EPS8L1: variants seen among roughly 807,000 people sequenced by gnomAD.
EPS8L1 encodes EPS8 signaling adaptor L1, also known as epidermal growth factor receptor kinase substrate 8-like protein 1.
Under a neutral mutation model 91.7 loss-of-function variants are expected in EPS8L1, and 101 were observed. The observed-to-expected ratio is 1.10, with a 90% CI of 0.94 to 1.30. The LOEUF is 1.30. EPS8L1 is among the 50% of genes most tolerant of loss of function. EPS8L1 has a pLI of 0.00. For synonymous variants in EPS8L1, 506 were observed against 445.3 expected (o/e 1.14, Z -1.72); for missense variants, 1,114 against 1,017.0 (o/e 1.10, Z -1.30).
At position 55,079,800 on chromosome 19, in the gene EPS8L1, G is replaced by A. The variant is rs1401006894; in HGVS notation, c.228G>A (p.Met76Ile). 1.9e-6 allele frequency: 3 copies of A among 1,614,084 alleles called. No individual in the cohort carries two copies. The highest frequency in any genetic ancestry group is 2.5e-6 in the Non-Finnish European group (3 of 1,180,008). ...DSQGRVWAQE[M>I]LLRVSPDHVT... ...AGGGCCGAGTCTGGGCACAGGAGAT[G>A]CTGCTGCGAGTGTCTCCCGACCATG... The change falls in exon 5 of 20, where the codon ATG (methionine) becomes ATA (isoleucine). Residue 76 changes from methionine (M) to isoleucine (I), a missense_variant. Transcript: ENST00000201647.
intron 18 of EPS8L1, 174 bp from the exon 19 acceptor site, chr19:55,087,128 GC>G (rs1568798585): frequency 5.3e-6 from 6 of 1,137,696 alleles, no homozygotes; most frequent in Non-Finnish European, 7.2e-6. Flanking sequence ...ATGCGGCCAC[GC>G]CCCCCGGGTG....
Position 55,087,335 on chromosome 19 carries a change from C to A in EPS8L1, c.1985C>A (p.Ala662Glu). ...TVDALGVLTG[A>E]QLFSLQKEEL... ...GACGCGCTGGGTGTGCTGACCGGGG[C>A]GCAGCTTTTCTCGCTGCAGAAGGAG... The change falls in exon 19 of 20, where the codon GCG (alanine) becomes GAG (glutamate). Residue 662 changes from alanine (A) to glutamate (E), a missense_variant. Ala to Glu is a moderately radical substitution (Grantham distance 107). Transcript: ENST00000201647. The A allele has an allele frequency of 6.2e-7, 1 of 1,611,738 alleles. No individual in the cohort carries two copies. Among genetic ancestry groups the A allele is most frequent in the Non-Finnish European group, 8.5e-7 (1 of 1,179,588 alleles).
rs1602951634 is a variant in EPS8L1, at chr19:55,083,941, G to T, written c.1385+297G>T. 3.3e-6 allele frequency: 2 copies of T among 601,686 alleles called. No homozygotes were observed. The highest frequency in any genetic ancestry group is 5.6e-5 in the East Asian group (2 of 36,020). The allele number at this position is 601,686 out of a possible 1,614,324, so 37.3% of individuals were successfully genotyped here. A position where few individuals can be genotyped will look rare whatever the true frequency, so the allele number is the denominator to read the frequency against. On this transcript the variant is annotated intron_variant, in intron 14 of 19. Transcript: ENST00000201647. This position sits in a 1 kb window ranked among gnomAD's most constrained non-coding sequence, Gnocchi z 4.7. ...TAAAGTCTGAGAGGTTGGATCCCTG[G>T]ATCCCCAAAAGGCTGGAAGAAGCCA...
At chr19:55,082,903 C>T (rs1269547886) in intron 12 of EPS8L1, among the ~76,000 whole-genome samples, 1 of 151,056 alleles carries the variant, frequency 6.6e-6, no homozygotes, top group Non-Finnish European at 1.5e-5. Flanking sequence ...CGCGAAGGGG[C>T]GGGGCTTCTG....
At chr19:55,077,557 C>G (rs1439950859) in intron 2 of EPS8L1, among the ~76,000 whole-genome samples, 1 of 151,132 alleles carries the variant, frequency 6.6e-6, no homozygotes, top group Non-Finnish European at 1.5e-5. Flanking sequence ...CCCCTACCAC[C>G]CAGCACCACC....
chr19:55,081,907 G>GC lies in EPS8L1; in HGVS notation c.901+9dup, dbSNP rs1413494093. ...GGCGCCGGGCGGCTGGGGGTAAGGG[G>GC]CACCCTGGCGTGGGATCTGAACCCC... is the stretch of plus-strand genomic sequence containing the variant. On this transcript the variant is annotated intron_variant, in intron 9 of 19. Coordinates refer to ENST00000201647, the MANE Select transcript of EPS8L1 (RefSeq NM_133180.3). The surrounding 1 kb of genome is among the most constrained non-coding windows in gnomAD (Gnocchi z 4.9). 6.2e-7 allele frequency: 1 copy of GC among 1,604,874 alleles called. No homozygotes were observed. Among genetic ancestry groups the GC allele is most frequent in the Non-Finnish European group, 8.5e-7 (1 of 1,174,698 alleles).
intron 12 of EPS8L1, among the ~76,000 whole-genome samples, chr19:55,082,950 T>A (rs1401032998): frequency 4.6e-5 from 7 of 151,956 alleles, no homozygotes; most frequent in African/African-American, 1.7e-4. Flanking sequence ...TGGGACAGAG[T>A]CTGTGCACTG....
At chr19:55,084,082 C>G (rs2076330906) in intron 14 of EPS8L1, 1 of 307,890 alleles carries the variant, frequency 3.2e-6, no homozygotes, top group South Asian at 3.7e-5. Flanking sequence ...AAGAAGAGCC[C>G]AAGTCTGGTG....
chr19:55,086,636 C>CCCCCCCCCCCCCCCCCACAGG, intron 17 of EPS8L1, 78 bp from the exon 18 acceptor site: 2 of 956,958 alleles, frequency 2.1e-6, no homozygotes, highest in South Asian at 1.5e-5. Flanking sequence ...CGCTGGAGCG[C>CCCCCCCCCCCCCCCCCACAGG]CCCCCCGCCC....
intron 14 of EPS8L1, chr19:55,085,636 C>CA: frequency 1.9e-6 from 1 of 540,048 alleles, no homozygotes; most frequent in Admixed American, 3.3e-5. Flanking sequence ...GTACCCACTA[C>CA]ATATGCCTAC....
intron 14 of EPS8L1, 31 bp from the exon 15 acceptor site, chr19:55,085,810 C>T (rs78293814): frequency 6.2e-7 from 1 of 1,600,416 alleles, no homozygotes; most frequent in Non-Finnish European, 8.5e-7. Flanking sequence ...CTGGCTGCCT[C>T]CTTATCTCCA....
intron 11 of EPS8L1, 23 bp downstream of exon 11, chr19:55,082,372 G>A (rs2076286618): frequency 1.9e-6 from 3 of 1,612,582 alleles, no homozygotes; most frequent in Non-Finnish European, 1.7e-6. Context: ...CCAGGCCCTC[G>A]GGCCCCCCTG....
intron 18 of EPS8L1, 96 bp downstream of exon 18, chr19:55,086,984 G>A: frequency 1.5e-6 from 2 of 1,376,576 alleles, no homozygotes; most frequent in East Asian, 2.8e-5. Flanking sequence ...CAGTCGTGGA[G>A]ACCACAGGGA....
At chr19:55,084,513 C>G (rs1245438034) in intron 14 of EPS8L1, 2 of 152,162 alleles carry the variant, frequency 1.3e-5, no homozygotes, top group Non-Finnish European at 2.9e-5. Flanking sequence ...AGCAGTGAGG[C>G]TGGAGGAGAC....
At position 55,083,685 on chromosome 19, in the gene EPS8L1, G is replaced by C. The variant is rs1222124220; in HGVS notation, c.1385+41G>C. Reference sequence around the variant, plus strand: ...AGGGCAGGGCAAGGGGGTCAAGGAGGGGTGCGTCCCGGGGGCTCCCGATGC... The same window carrying C: ...AGGGCAGGGCAAGGGGGTCAAGGAGCGGTGCGTCCCGGGGGCTCCCGATGC... On this transcript the variant is annotated intron_variant, in intron 14 of 19. Coordinates refer to ENST00000201647, the MANE Select transcript of EPS8L1 (RefSeq NM_133180.3). This position sits in a 1 kb window ranked among gnomAD's most constrained non-coding sequence, Gnocchi z 4.7. 6.3e-7 allele frequency: 1 copy of C among 1,578,540 alleles called. No homozygotes were observed. Among genetic ancestry groups the C allele is most frequent in the Non-Finnish European group, 8.6e-7 (1 of 1,162,400 alleles).
chr19:55,076,643 C>T (rs2076141016), intron 2 of EPS8L1, among the ~76,000 whole-genome samples, 182 bp downstream of exon 2: 1 of 152,196 alleles, frequency 6.6e-6, no homozygotes, highest in South Asian at 2.1e-4. Flanking sequence ...GGTTAGGGGC[C>T]CCCACTGCAG....
chr19:55,087,054 T>C lies in EPS8L1; in HGVS notation c.1952+166T>C. The C allele has an allele frequency of 2.8e-6, 3 of 1,078,494 alleles. No individual in the cohort carries two copies. In the South Asian group the frequency reaches 5.1e-5, roughly 18 times the overall value. The allele number at this position is 1,078,494 out of a possible 1,614,324, so 66.8% of individuals were successfully genotyped here. A position where few individuals can be genotyped will look rare whatever the true frequency, so the allele number is the denominator to read the frequency against. On this transcript the variant is annotated intron_variant, in intron 18 of 19. Transcript: ENST00000201647. ...AGCAACACCCAATGGCAGGCTGTGA[T>C]TGCCATGTTTTTTCAGACTCCGACT...
rs748486129 is a variant in EPS8L1, at chr19:55,080,775, G to A, written c.433G>A (p.Glu145Lys). The A allele has an allele frequency of 6.8e-6, 11 of 1,608,446 alleles. No homozygotes were observed. The highest frequency in any genetic ancestry group is 3.3e-5 in the South Asian group (3 of 90,466). ...HFFQGLRLGAELIREDIQGAL... is the reference protein window; with the variant it reads ...HFFQGLRLGAKLIREDIQGAL... Reference sequence around the variant, plus strand: ...GGCCTGACGGTGTGATTGGCAGGCGGAGCTGATCCGAGAGGACATCCAGGG... The same window carrying A: ...GGCCTGACGGTGTGATTGGCAGGCGAAGCTGATCCGAGAGGACATCCAGGG... Residue 145 changes from glutamate to lysine, a missense_variant, in exon 7 of 20, where the codon GAG becomes AAG. Transcript: ENST00000201647.
At chr19:55,078,960 G>A in intron 3 of EPS8L1, 39 bp from the exon 4 acceptor site, 1 of 1,610,894 alleles carries the variant, frequency 6.2e-7, no homozygotes. Context: ...GAGGGGCTGG[G>A]CCTGGACTCC....
Sources: allele counts gnomAD v4.1 joint callset (sites outside exome capture counted in the v4.1 genomes callset), GRCh38; gene constraint gnomAD v4.1.1; non-coding constraint Gnocchi (gnomAD v3.1); transcripts MANE v1.5; gene names NCBI Gene and HGNC (gene_info 2026-07-23, HGNC 2026-07-21).